DNAJB13: variants seen among roughly 807,000 people sequenced by gnomAD.
The protein encoded by DNAJB13 is dnaJ homolog subfamily B member 13.
A neutral mutation model predicts 35.6 loss-of-function variants in DNAJB13; 22 were observed. The observed-to-expected ratio is 0.62, with a 90% CI of 0.44 to 0.88. The LOEUF is 0.88. Ranked by LOEUF, DNAJB13 falls within the 40% of genes least tolerant of loss-of-function variation. The pLI is 0.00. For missense variants in DNAJB13, 370 were observed against 384.3 expected, an observed-to-expected ratio of 0.96 and a Z score of 0.31; for synonymous variants, 136 against 144.2, an observed-to-expected ratio of 0.94 and a Z score of 0.41.
intron 3 of DNAJB13, chr11:73,964,508 G>C: frequency 3.7e-6 from 1 of 270,224 alleles, no homozygotes; most frequent in South Asian, 3.6e-5. Flanking sequence ...GGCCACCAGA[G>C]GGAGTGCCTC....
In DNAJB13 at chr11:73,964,571, G is replaced by C. The variant is rs1422238807; in HGVS notation, c.335-307G>C. 3.3e-5 allele frequency: 11 copies of C among 338,360 alleles called. No individual in the cohort carries two copies. The South Asian group carries it at 3.3e-4, about 10-fold the overall frequency. 21.0% of individuals were successfully genotyped at this position (338,360 alleles called of 1,614,324 possible). A position where few individuals can be genotyped will look rare whatever the true frequency, so the allele number is the denominator to read the frequency against. ...TATCCGAGTTGTGAATAAGAGAGAC[G>C]GGGAAGCGTTGGGCGGGGTGGGGGG... is the stretch of plus-strand genomic sequence containing the variant. On this transcript the variant is annotated intron_variant, in intron 3 of 7. Transcript: ENST00000339764.
chr11:73,966,173 G>A lies in DNAJB13; in HGVS notation c.528G>A (p.Lys176=), dbSNP rs367568037. 1.9e-6 allele frequency: 3 copies of A among 1,613,766 alleles called. No homozygotes were observed. The African/African-American group carries it at 4.0e-5, about 22-fold the overall frequency. Residue 176 remains lysine (K), a synonymous_variant, in exon 5 of 8, where the codon AAG becomes AAA. Coordinates refer to ENST00000339764, the MANE Select transcript of DNAJB13 (RefSeq NM_153614.4). ...LNEDGYSSTI[K]DKILTIDVKP... is the part of the protein sequence containing the mutation. The stretch of plus-strand genomic sequence containing the variant: ...AGGATGGGTACTCCTCCACCATCAA[G>A]GACAAGATCCTGACCATTGATGTGA...
chr11:73,963,871 T>G (rs1951006760), intron 3 of DNAJB13: 1 of 152,120 alleles, frequency 6.6e-6, no homozygotes, highest in South Asian at 2.1e-4. Flanking sequence ...ATGAGGGGCT[T>G]CCACATCTAG....
chr11:73,951,584 G>A (rs1390641086), intron 1 of DNAJB13, among the ~76,000 whole-genome samples: 1 of 152,176 alleles, frequency 6.6e-6, no homozygotes, highest in Non-Finnish European at 1.5e-5. Flanking sequence ...GGATCTTAAG[G>A]ACGTTCTGGC....
At chr11:73,960,252 A>G (rs1164463940) in intron 3 of DNAJB13, among the ~76,000 whole-genome samples, 5 of 151,970 alleles carry the variant, frequency 3.3e-5, no homozygotes, top group Admixed American at 1.3e-4. Context: ...ATCTCTGCTC[A>G]CTGCAACCTC....
chr11:73,952,377 A>G (rs1456246298), intron 1 of DNAJB13, among the ~76,000 whole-genome samples: 1 of 152,114 alleles, frequency 6.6e-6, no homozygotes, highest in Non-Finnish European at 1.5e-5. Context: ...TGTTCTGAGA[A>G]CTTTCCATCA....
intron 5 of DNAJB13, among the ~76,000 whole-genome samples, chr11:73,967,515 C>T (rs753702935): frequency 1.3e-5 from 2 of 152,062 alleles, no homozygotes; most frequent in South Asian, 2.1e-4. Flanking sequence ...GAGGCCAAGG[C>T]AGGAGAATCA....
intron 2 of DNAJB13, 59 bp from the exon 3 acceptor site, chr11:73,959,435 C>T: frequency 6.4e-7 from 1 of 1,571,572 alleles, no homozygotes; most frequent in Non-Finnish European, 8.7e-7. Context: ...CTTCCCAGCC[C>T]CTCCACCTAT....
intron 2 of DNAJB13, among the ~76,000 whole-genome samples, chr11:73,958,686 T>C (rs948939562): frequency 5.3e-5 from 8 of 152,172 alleles, no homozygotes; most frequent in African/African-American, 1.9e-4. Context: ...TCCCCACGCA[T>C]CCCTATGCCC....
At position 73,963,759 on chromosome 11, in the gene DNAJB13, G is replaced by A. The variant is rs115312967; in HGVS notation, c.335-1119G>A. The A allele has an allele frequency of 1.7e-3, 258 of 152,292 alleles. 4 individuals carry two copies. The highest frequency in any genetic ancestry group is 5.1e-3 in the African/African-American group (213 of 41,554). 9.4% of individuals were successfully genotyped at this position (152,292 alleles called of 1,614,324 possible). ...AGTCACCTCACCATCCCTGCCTAAG[G>A]TCATTTCACCATTCTAGCCTGTGAA... On this transcript the variant is annotated intron_variant, in intron 3 of 7. Transcript: ENST00000339764.
chr11:73,954,587 G>A (rs185860335), intron 1 of DNAJB13, among the ~76,000 whole-genome samples: 6 of 149,238 alleles, frequency 4.0e-5, no homozygotes, highest in East Asian at 2.0e-4. Flanking sequence ...CCGAGATCGC[G>A]CCACTGCACT....
intron 5 of DNAJB13, 31 bp from the exon 6 acceptor site, chr11:73,968,314 T>A: frequency 6.2e-7 from 1 of 1,602,316 alleles, no homozygotes; most frequent in Non-Finnish European, 8.6e-7. Flanking sequence ...GGCCAACTAG[T>A]CCTTGTCACC....
At chr11:73,954,642 T>A (rs200368100) in intron 1 of DNAJB13, among the ~76,000 whole-genome samples, 9,179 of 100,066 alleles carry the variant, frequency 0.092, 398 homozygotes, top group South Asian at 0.14. Context: ...AAAAAAAAAA[T>A]AAAATAAATA....
At chr11:73,955,644 C>T (rs566109044) in intron 1 of DNAJB13, among the ~76,000 whole-genome samples, 85 of 152,036 alleles carry the variant, frequency 5.6e-4, no homozygotes, top group Non-Finnish European at 9.7e-4. Context: ...ATGGCCAACA[C>T]GGCAAAAACC....
At chr11:73,959,919 C>A (rs1591185227) in intron 3 of DNAJB13, 1 of 207,992 alleles carries the variant, frequency 4.8e-6, no homozygotes, top group Non-Finnish European at 9.6e-6. Flanking sequence ...CACGCTGCCA[C>A]ACCCAGTTAA....
intron 1 of DNAJB13, among the ~76,000 whole-genome samples, chr11:73,957,003 G>C (rs941739798): frequency 5.3e-5 from 8 of 152,088 alleles, no homozygotes; most frequent in African/African-American, 1.9e-4. Context: ...ATGGCGGCGA[G>C]GCGGGTGTGG....
intron 5 of DNAJB13, among the ~76,000 whole-genome samples, chr11:73,967,197 G>A (rs1951141779): frequency 6.6e-6 from 1 of 152,112 alleles, no homozygotes; most frequent in South Asian, 2.1e-4. Context: ...GTTTCTCCGT[G>A]TTGGCCAGAC....
Position 73,970,009 on chromosome 11 carries a change from G to T in DNAJB13, c.846G>T (p.Glu282Asp). The change falls in exon 8 of 8, where the codon GAG becomes GAT. Residue 282 changes from glutamate (E) to aspartate (D), a missense_variant. Physicochemically the swap from Glu to Asp is conservative, Grantham distance 45 (BLOSUM62 2). Transcript: ENST00000339764. ...CAGGGGAGGGGATGCCATTGCCGGA[G>T]GACCCCACTAAGAAAGGGGATCTCT... is the stretch of plus-strand genomic sequence containing the variant. ...KVPGEGMPLP[E>D]DPTKKGDLFI... The T allele has an allele frequency of 3.1e-6, 5 of 1,611,588 alleles. No homozygotes were observed. Among genetic ancestry groups the T allele is most frequent in the Non-Finnish European group, 4.2e-6 (5 of 1,178,780 alleles).
chr11:73,959,686 A>T, intron 3 of DNAJB13, 31 bp downstream of exon 3: 3 of 1,603,392 alleles, frequency 1.9e-6, no homozygotes, highest in Non-Finnish European at 2.6e-6. Flanking sequence ...ACCTTGCCTT[A>T]TAGAGAAAGG....
Sources: gnomAD v4.1 joint callset for allele counts (sites outside exome capture counted in the v4.1 genomes callset) on GRCh38, gnomAD v4.1.1 for gene constraint, MANE v1.5 for transcripts, NCBI Gene and HGNC (gene_info 2026-07-23, HGNC 2026-07-21) for gene names.